Variants in RAP1GDS1 observed in about 807,000 individuals in gnomAD.
The protein encoded by RAP1GDS1 is RAP1, GTP-GDP dissociation stimulator 1.
Under a neutral mutation model 71.1 loss-of-function variants are expected in RAP1GDS1, and 35 were observed. The observed-to-expected ratio is 0.49, with a 90% CI of 0.38 to 0.65. The LOEUF (loss-of-function observed/expected upper bound fraction) is 0.65, where lower values mean the gene tolerates loss of function less well. Ranked by LOEUF, RAP1GDS1 falls within the 30% of genes least tolerant of loss-of-function variation. The pLI, the probability that RAP1GDS1 is intolerant of heterozygous loss-of-function variation, is 0.00. For synonymous variants in RAP1GDS1, 229 were observed against 243.1 expected (o/e 0.94, Z 0.54); for missense variants, 663 against 706.1 (o/e 0.94, Z 0.69).
At chr4:98,351,232 C>G (rs1560885574) in intron 3 of RAP1GDS1, among the ~76,000 whole-genome samples, 1 of 152,096 alleles carries the variant, frequency 6.6e-6, no homozygotes, top group South Asian at 2.1e-4. Flanking sequence ...AGGAAATAAT[C>G]TGAGTCTTAG....
intron 4 of RAP1GDS1, among the ~76,000 whole-genome samples, chr4:98,358,657 G>T (rs539702828): frequency 6.6e-6 from 1 of 152,092 alleles, no homozygotes; most frequent in African/African-American, 2.4e-5. Flanking sequence ...GCATGAAAGT[G>T]AGTATTTTAA....
At chr4:98,426,931 G>A (rs924517652) in intron 12 of RAP1GDS1, among the ~76,000 whole-genome samples, 1 of 152,042 alleles carries the variant, frequency 6.6e-6, no homozygotes, top group African/African-American at 2.4e-5. Flanking sequence ...GAAAACTACA[G>A]ACCAAAATCC....
At chr4:98,311,149 G>A (rs1730161688) in intron 2 of RAP1GDS1, among the ~76,000 whole-genome samples, 1 of 152,168 alleles carries the variant, frequency 6.6e-6, no homozygotes, top group Non-Finnish European at 1.5e-5. Context: ...TTTTAATGTA[G>A]ACAGTATCTT....
At chr4:98,401,527 C>T (rs548648822) in intron 6 of RAP1GDS1, among the ~76,000 whole-genome samples, 84 of 152,140 alleles carry the variant, frequency 5.5e-4, no homozygotes, top group Non-Finnish European at 6.9e-4. Context: ...GCTAAAAGAG[C>T]TTCATGTATT....
chr4:98,328,844 G>T (rs903432376), intron 2 of RAP1GDS1, among the ~76,000 whole-genome samples: 1 of 152,168 alleles, frequency 6.6e-6, no homozygotes. Context: ...AAACTTGTTT[G>T]TAAAATAAGT....
chr4:98,268,128 G>A (rs546878893), intron 1 of RAP1GDS1, among the ~76,000 whole-genome samples: 1 of 152,254 alleles, frequency 6.6e-6, no homozygotes, highest in South Asian at 2.1e-4. Context: ...TCATGATCAA[G>A]TGGGATTTAT....
chr4:98,409,877 T>G (rs1239795224), intron 7 of RAP1GDS1: 2 of 175,356 alleles, frequency 1.1e-5, no homozygotes, highest in Non-Finnish European at 2.4e-5. Context: ...TATCTTAAAA[T>G]GTAAGCTAGG....
intron 2 of RAP1GDS1, among the ~76,000 whole-genome samples, chr4:98,328,596 A>T (rs1001905150): frequency 6.6e-6 from 1 of 152,222 alleles, no homozygotes; most frequent in African/African-American, 2.4e-5. Context: ...AACTATTTTA[A>T]AACAATGCAC....
chr4:98,370,547 C>T (rs1247979772), intron 4 of RAP1GDS1, among the ~76,000 whole-genome samples: 1 of 151,280 alleles, frequency 6.6e-6, no homozygotes, highest in African/African-American at 2.4e-5. Flanking sequence ...TGTAACACAC[C>T]ATAAAAAAAT....
rs1733421900 is a variant in RAP1GDS1 at position 98,328,189 on chromosome 4, C to T, written c.113-14950C>T. Among the ~76,000 whole-genome samples, 5 of 152,208 alleles carry T rather than the reference C, an allele frequency of 3.3e-5. No homozygotes were observed. The South Asian group carries it at 1.0e-3, about 32-fold the overall frequency. On this transcript the variant is annotated intron_variant, in intron 2 of 14. Coordinates refer to ENST00000408927, the MANE Select transcript of RAP1GDS1 (RefSeq NM_001100427.2). The stretch of plus-strand genomic sequence containing the variant: ...ATCCAGTTACAGCATGTGGTATTAG[C>T]AATAGCACAGGCATTTTCTTATTTA...
At chr4:98,320,174 G>A (rs1284501903) in intron 2 of RAP1GDS1, among the ~76,000 whole-genome samples, 2 of 152,162 alleles carry the variant, frequency 1.3e-5, no homozygotes, top group Non-Finnish European at 2.9e-5. Context: ...TCAGCAATAG[G>A]CTATTAGTTA....
Position 98,408,542 on chromosome 4 carries a change from A to AT in RAP1GDS1, c.763+3944dup, listed in dbSNP as rs1746510517. ...GAAAAGGAAATATACTTACCAATTT[A>AT]TTTTAATGAGGCTAATGAAACCTTT... On this transcript the variant is annotated intron_variant, in intron 7 of 14. Transcript: ENST00000408927. Among the ~76,000 whole-genome samples, 3 of 152,216 alleles carry AT rather than the reference A, an allele frequency of 2.0e-5. 1 individual carries two copies. The South Asian group carries it at 6.2e-4, about 31-fold the overall frequency.
At chr4:98,315,674 G>A (rs1730835425) in intron 2 of RAP1GDS1, among the ~76,000 whole-genome samples, 1 of 151,980 alleles carries the variant, frequency 6.6e-6, no homozygotes, top group Admixed American at 6.6e-5. Context: ...GGTGAAAAGT[G>A]GAAAGGGCAT....
chr4:98,266,722 A>G (rs1302981214), intron 1 of RAP1GDS1, among the ~76,000 whole-genome samples: 1 of 152,160 alleles, frequency 6.6e-6, no homozygotes, highest in African/African-American at 2.4e-5. Context: ...ATATGGGAGA[A>G]AGGTTGAATT....
intron 2 of RAP1GDS1, among the ~76,000 whole-genome samples, chr4:98,295,280 C>T (rs887996871): frequency 5.3e-5 from 8 of 152,002 alleles, no homozygotes; most frequent in Non-Finnish European, 1.0e-4. Flanking sequence ...GTTAAGGCCA[C>T]GTAACCACAA....
At chr4:98,346,115 T>C (rs1736207960) in intron 3 of RAP1GDS1, among the ~76,000 whole-genome samples, 2 of 152,202 alleles carry the variant, frequency 1.3e-5, no homozygotes, top group South Asian at 4.1e-4. Context: ...ACAAGTCCTC[T>C]AGGTAATGCT....
In RAP1GDS1 at chr4:98,359,726, G is replaced by A. The variant is rs192502678; in HGVS notation, c.361+7125G>A. On this transcript the variant is annotated intron_variant, in intron 4 of 14. Coordinates refer to ENST00000408927, the MANE Select transcript of RAP1GDS1 (RefSeq NM_001100427.2). Reference sequence around the variant, plus strand: ...TTGACTTTGATATGTGGACAGGAAGGAGCCTCTGAAAGTAACTTGAAGAAA... The same window carrying A: ...TTGACTTTGATATGTGGACAGGAAGAAGCCTCTGAAAGTAACTTGAAGAAA... Among the ~76,000 whole-genome samples the A allele has an allele frequency of 2.7e-3, 411 of 152,300 alleles. 3 individuals are homozygous for A. The highest frequency in any genetic ancestry group is 9.6e-3 in the African/African-American group (398 of 41,558).
intron 7 of RAP1GDS1, among the ~76,000 whole-genome samples, chr4:98,404,829 T>A (rs1745899430): frequency 6.6e-6 from 1 of 152,172 alleles, no homozygotes; most frequent in Non-Finnish European, 1.5e-5. Context: ...GAAAAGATAC[T>A]TCTGTAGCTA....
intron 5 of RAP1GDS1, among the ~76,000 whole-genome samples, chr4:98,385,416 A>G (rs1017986960): frequency 1.3e-5 from 2 of 151,752 alleles, no homozygotes; most frequent in African/African-American, 4.8e-5. Flanking sequence ...GTAAGCATTG[A>G]GCTGTTTGGC....
Sources: gnomAD v4.1 joint callset for allele counts (sites outside exome capture counted in the v4.1 genomes callset) on GRCh38, gnomAD v4.1.1 for gene constraint, MANE v1.5 for transcripts, NCBI Gene and HGNC (gene_info 2026-07-23, HGNC 2026-07-21) for gene names.